The following ARMC8 variants were observed in gnomAD, a reference collection of about 807,000 sequenced individuals.
The protein encoded by ARMC8 is armadillo repeat containing 8, also known as armadillo repeat-containing protein 8.
A neutral mutation model predicts 99.3 loss-of-function variants in ARMC8; 20 were observed. That is an observed-to-expected ratio of 0.20 (90% confidence interval 0.14 to 0.29). The LOEUF (loss-of-function observed/expected upper bound fraction) is 0.29, where lower values mean the gene tolerates loss of function less well. Among genes scored for constraint, ARMC8 ranks in the 10% least tolerant of loss-of-function variants. The pLI, the probability that ARMC8 is intolerant of heterozygous loss-of-function variation, is 1.00. For missense variants in ARMC8, 569 were observed against 809.5 expected, an observed-to-expected ratio of 0.70 and a Z score of 3.60; for synonymous variants, 263 against 278.3, an observed-to-expected ratio of 0.95 and a Z score of 0.55.
chr3:138,277,318 G>A (rs892587643), intron 18 of ARMC8, among the ~76,000 whole-genome samples: 4 of 152,166 alleles, frequency 2.6e-5, no homozygotes, highest in African/African-American at 4.8e-5. Context: ...GAAAATGCAG[G>A]AGAAAATCTT....
chr3:138,229,115 TAGAC>T, intron 6 of ARMC8, 105 bp downstream of exon 6: 1 of 327,368 alleles, frequency 3.1e-6, no homozygotes, highest in Non-Finnish European at 5.9e-6. Flanking sequence ...CATATATAAG[TAGAC>T]CTGTGTGTGT....
chr3:138,278,652 A>G (rs2049553532), intron 18 of ARMC8, among the ~76,000 whole-genome samples: 1 of 152,128 alleles, frequency 6.6e-6, no homozygotes, highest in Non-Finnish European at 1.5e-5. Flanking sequence ...ATTTGGGAGG[A>G]CGTGACATCT....
chr3:138,223,186 A>G (rs1228957941), intron 3 of ARMC8, among the ~76,000 whole-genome samples: 5 of 152,158 alleles, frequency 3.3e-5, no homozygotes, highest in Non-Finnish European at 1.5e-5. Flanking sequence ...TAAGAATATG[A>G]TAGTTCTTTT....
Position 138,221,922 on chromosome 3 carries a change from T to G in ARMC8, c.123-4T>G. The G allele has an allele frequency of 6.2e-7, 1 of 1,610,924 alleles. No homozygotes were observed. The highest frequency in any genetic ancestry group is 8.5e-7 in the Non-Finnish European group (1 of 1,177,312). ...TACTTTATTTTTTCTTCCCCTTAAT[T>G]CAGAGACATGAAAAATGCTGTAATT... is the stretch of plus-strand genomic sequence containing the variant. On this transcript the variant is annotated splice_polypyrimidine_tract_variant and splice_region_variant and intron_variant, in intron 2 of 21. Coordinates refer to ENST00000469044, the MANE Select transcript of ARMC8 (RefSeq NM_001363941.2).
chr3:138,256,537 A>G (rs1201105806), intron 12 of ARMC8, among the ~76,000 whole-genome samples: 2 of 149,994 alleles, frequency 1.3e-5, no homozygotes, highest in East Asian at 3.9e-4. Context: ...CAGCTTCCCG[A>G]GTAGCTGAGA....
In ARMC8 at chr3:138,290,552, A is replaced by G. The variant is rs1343801737; in HGVS notation, c.1901A>G (p.Gln634Arg). The G allele has an allele frequency of 1.2e-6, 2 of 1,601,710 alleles. No individual in the cohort carries two copies. Among genetic ancestry groups the G allele is most frequent in the Non-Finnish European group, 1.7e-6 (2 of 1,174,342 alleles). The change falls in exon 21 of 22, where the codon CAA becomes CGA. Residue 634 changes from glutamine (Q) to arginine (R), a missense_variant. Around this residue, in one of 2 missense-constraint regions of ARMC8, gnomAD observed 227 missense variants for 417.9 expected, o/e 0.54. Coordinates refer to ENST00000469044, the MANE Select transcript of ARMC8 (RefSeq NM_001363941.2). ...CCTGGCTTTAATCGTTTAGGTTCACAAGAACGCCAGGATAAATTACGAGAC... is the reference window on the plus strand; with the variant it reads ...CCTGGCTTTAATCGTTTAGGTTCACGAGAACGCCAGGATAAATTACGAGAC... ...NLIWNEEEGS[Q>R]ERQDKLRDMG...
chr3:138,289,864 C>G (rs1453068423), intron 20 of ARMC8, among the ~76,000 whole-genome samples: 1 of 152,104 alleles, frequency 6.6e-6, no homozygotes, highest in African/African-American at 2.4e-5. Context: ...CTAGAGAGAG[C>G]CAGTATATGA....
intron 18 of ARMC8, among the ~76,000 whole-genome samples, chr3:138,275,362 C>G (rs2049179857): frequency 6.6e-6 from 1 of 152,120 alleles, no homozygotes; most frequent in Non-Finnish European, 1.5e-5. Flanking sequence ...TCGAGACCAT[C>G]CTGGCTAACA....
chr3:138,240,513 T>G (rs2046559740), intron 10 of ARMC8, among the ~76,000 whole-genome samples: 1 of 152,202 alleles, frequency 6.6e-6, no homozygotes, highest in Non-Finnish European at 1.5e-5. Flanking sequence ...CTTCACATAG[T>G]AGTCATGAGC....
intron 2 of ARMC8, 125 bp downstream of exon 2, chr3:138,210,018 A>G: frequency 1.7e-6 from 1 of 600,436 alleles, no homozygotes; most frequent in Non-Finnish European, 2.9e-6. Flanking sequence ...TCTTTCTAGA[A>G]AGACTGCTTG....
intron 19 of ARMC8, 51 bp downstream of exon 19, chr3:138,284,577 AT>A: frequency 7.6e-7 from 1 of 1,312,246 alleles, no homozygotes; most frequent in Non-Finnish European, 1.1e-6. Flanking sequence ...GGACTGTTGC[AT>A]TTTTAACTCA....
intron 2 of ARMC8, among the ~76,000 whole-genome samples, chr3:138,218,922 A>C (rs2045238175): frequency 6.6e-6 from 1 of 152,178 alleles, no homozygotes. Flanking sequence ...TTTTGCATAA[A>C]AATGTAACAT....
At chr3:138,213,417 G>A (rs952545577) in intron 2 of ARMC8, among the ~76,000 whole-genome samples, 3 of 152,166 alleles carry the variant, frequency 2.0e-5, no homozygotes, top group Non-Finnish European at 4.4e-5. Flanking sequence ...AACTTGAATT[G>A]TCCTGTTGTG....
chr3:138,203,516 G>A (rs1490412351), intron 1 of ARMC8, among the ~76,000 whole-genome samples: 7 of 152,188 alleles, frequency 4.6e-5, no homozygotes, highest in African/African-American at 1.7e-4. Context: ...TGCCATGTGG[G>A]CCTCTCCACG....
intron 6 of ARMC8, among the ~76,000 whole-genome samples, 192 bp downstream of exon 6, chr3:138,229,202 GTATATATAAAA>G (rs2045907258): frequency 1.2e-5 from 1 of 83,410 alleles, no homozygotes; most frequent in African/African-American, 4.7e-5. Context: ...ATATGTATAT[GTATATATAAAA>G]TATATATATA....
intron 10 of ARMC8, among the ~76,000 whole-genome samples, chr3:138,239,774 A>G (rs2046518207): frequency 6.6e-6 from 1 of 152,172 alleles, no homozygotes. Context: ...ATTTTATGGT[A>G]ATTAGGAGGA....
intron 19 of ARMC8, among the ~76,000 whole-genome samples, chr3:138,288,454 T>C (rs957685739): frequency 6.6e-6 from 1 of 152,250 alleles, no homozygotes. Flanking sequence ...CCTAGAGGTG[T>C]TTTGTTTGTC....
chr3:138,267,747 T>TA (rs1160856677), intron 15 of ARMC8, among the ~76,000 whole-genome samples: 1 of 152,194 alleles, frequency 6.6e-6, no homozygotes. Context: ...TTCTTTTTTT[T>TA]AATAGGAAAA....
intron 1 of ARMC8, among the ~76,000 whole-genome samples, chr3:138,192,909 C>G (rs138261902): frequency 1.3e-5 from 2 of 152,232 alleles, no homozygotes; most frequent in East Asian, 3.9e-4. Context: ...TGCCCACTTT[C>G]TAATTGGAGT....
Sources: allele counts gnomAD v4.1 joint callset (sites outside exome capture counted in the v4.1 genomes callset), GRCh38; gene constraint gnomAD v4.1.1; regional missense constraint gnomAD v4.1.1; transcripts MANE v1.5; gene names NCBI Gene and HGNC (gene_info 2026-07-23, HGNC 2026-07-21).